The following SNTG1 variants were observed in gnomAD, a reference collection of about 807,000 sequenced individuals.
SNTG1 encodes the protein syntrophin gamma 1.
In SNTG1, 39 loss-of-function variants were observed where a neutral mutation model predicts 74.7. That is an observed-to-expected ratio of 0.52 (90% confidence interval 0.40 to 0.68). The LOEUF (loss-of-function observed/expected upper bound fraction) is 0.68, where lower values mean the gene tolerates loss of function less well. Ranked by LOEUF, SNTG1 falls within the 30% of genes least tolerant of loss-of-function variation. SNTG1 has a pLI of 0.00. For missense variants in SNTG1, 685 were observed against 609.5 expected (o/e 1.12, Z -1.30); for synonymous variants, 254 against 217.1 (o/e 1.17, Z -1.49).
intron 2 of SNTG1, among the ~76,000 whole-genome samples, chr8:50,329,605 A>G (rs565888090): frequency 2.0e-4 from 30 of 152,098 alleles, no homozygotes; most frequent in African/African-American, 7.0e-4. Context: ...AGGGCACGAG[A>G]TCCCAAGGCT....
chr8:50,211,995 C>A (rs1586709323), intron 2 of SNTG1, among the ~76,000 whole-genome samples: 1 of 152,094 alleles, frequency 6.6e-6, no homozygotes, highest in Middle Eastern at 3.4e-3. Context: ...TGCAGTAATT[C>A]TTGAATTTAT....
chr8:50,364,723 T>TA (rs34454711), intron 2 of SNTG1, among the ~76,000 whole-genome samples: 2 of 152,072 alleles, frequency 1.3e-5, no homozygotes, highest in East Asian at 1.9e-4. Context: ...TGAATTTTCA[T>TA]AAAAAATATT....
At chr8:50,248,257 G>A (rs1236966875) in intron 2 of SNTG1, among the ~76,000 whole-genome samples, 1 of 152,086 alleles carries the variant, frequency 6.6e-6, no homozygotes, top group African/African-American at 2.4e-5. Context: ...AATAGTCTAT[G>A]TTTAAAAGCA....
intron 1 of SNTG1, among the ~76,000 whole-genome samples, chr8:50,008,165 A>G (rs1815428399): frequency 2.0e-5 from 3 of 152,152 alleles, no homozygotes; most frequent in Non-Finnish European, 4.4e-5. Context: ...ACATGTTTCT[A>G]TGTAGGAAGC....
At chr8:50,268,123 T>C (rs2087574866) in intron 2 of SNTG1, among the ~76,000 whole-genome samples, 1 of 152,144 alleles carries the variant, frequency 6.6e-6, no homozygotes, top group Non-Finnish European at 1.5e-5. Context: ...ATAATAAACA[T>C]GAGGAAACAA....
intron 18 of SNTG1, among the ~76,000 whole-genome samples, chr8:50,779,042 G>A (rs2095650128): frequency 1.3e-5 from 2 of 152,112 alleles, no homozygotes; most frequent in Admixed American, 1.3e-4. Context: ...TGAGGGCTCT[G>A]TTGTGTTCCA....
At position 50,613,183 on chromosome 8, in the gene SNTG1, T is replaced by C. The variant is rs1282706312; in HGVS notation, c.849+22266T>C. ...CTAGAGTGCAATTCAAATCAATGTT[T>C]TCTGCATATAGAATGCATATGAAAG... is the stretch of plus-strand genomic sequence containing the variant. On this transcript the variant is annotated intron_variant, in intron 13 of 18. Coordinates refer to ENST00000642720, the MANE Select transcript of SNTG1 (RefSeq NM_018967.5). Among the ~76,000 whole-genome samples the C allele has an allele frequency of 2.0e-5, 3 of 152,318 alleles. No homozygotes were observed. The East Asian group carries it at 5.8e-4, about 29-fold the overall frequency.
chr8:50,607,180 A>G (rs1480733889), intron 13 of SNTG1, among the ~76,000 whole-genome samples: 2 of 151,822 alleles, frequency 1.3e-5, no homozygotes, highest in East Asian at 1.9e-4. Context: ...ATTTTCATAT[A>G]TTTGGGAATG....
At chr8:50,207,289 T>A (rs2084292173) in intron 2 of SNTG1, among the ~76,000 whole-genome samples, 1 of 152,204 alleles carries the variant, frequency 6.6e-6, no homozygotes, top group South Asian at 2.1e-4. Context: ...CCTGGTTTAG[T>A]CTTGGGAGGG....
rs539371064 is a variant in SNTG1 at position 49,977,008 on chromosome 8, G to T, written c.-103+64777G>T. Among the ~76,000 whole-genome samples, 82 of 152,182 alleles carry T rather than the reference G, an allele frequency of 5.4e-4. 1 individual carries two copies. In the South Asian group the frequency reaches 0.017, roughly 31 times the overall value. On this transcript the variant is annotated intron_variant, in intron 1 of 18. Transcript: ENST00000642720. ...CAGGAAGTGCTTGTGAGAAAAAAAT[G>T]GATATATTTTAGACTTTGATTCCAT...
chr8:50,103,693 G>T (rs1391602172), intron 1 of SNTG1, among the ~76,000 whole-genome samples: 1 of 152,122 alleles, frequency 6.6e-6, no homozygotes, highest in East Asian at 1.9e-4. Flanking sequence ...TATTGGCTGT[G>T]GGTTTGTCAT....
chr8:50,595,761 T>C (rs1248530169), intron 13 of SNTG1, among the ~76,000 whole-genome samples: 3 of 152,068 alleles, frequency 2.0e-5, no homozygotes, highest in Non-Finnish European at 2.9e-5. Flanking sequence ...TCATACAGCA[T>C]AATTCTTTTT....
At chr8:49,970,724 G>T (rs1585711615) in intron 1 of SNTG1, among the ~76,000 whole-genome samples, 1 of 152,304 alleles carries the variant, frequency 6.6e-6, no homozygotes, top group Admixed American at 6.5e-5. Flanking sequence ...TCTGCAGCTA[G>T]TGAGACTGGC....
intron 2 of SNTG1, among the ~76,000 whole-genome samples, chr8:50,318,969 TTA>T (rs963670336): frequency 4.4e-4 from 67 of 151,760 alleles, no homozygotes; most frequent in East Asian, 2.3e-3. Flanking sequence ...GTATGTATAT[TTA>T]TATATATATG....
intron 4 of SNTG1, among the ~76,000 whole-genome samples, chr8:50,428,067 A>G (rs2093186137): frequency 6.6e-6 from 1 of 152,222 alleles, no homozygotes. Context: ...CTGTAAACCC[A>G]GTGCTTTGGG....
At chr8:50,530,992 C>A (rs2094262279) in intron 10 of SNTG1, among the ~76,000 whole-genome samples, 1 of 152,270 alleles carries the variant, frequency 6.6e-6, no homozygotes, top group East Asian at 1.9e-4. Context: ...TGACGTTAAG[C>A]AGAATTTTAT....
intron 1 of SNTG1, among the ~76,000 whole-genome samples, chr8:50,076,592 C>T (rs546666764): frequency 2.0e-4 from 29 of 148,404 alleles, no homozygotes; most frequent in Non-Finnish European, 3.0e-5. Flanking sequence ...AATATTCCGT[C>T]GTAAAAATAT....
At chr8:50,151,910 T>C (rs1414957988) in intron 1 of SNTG1, among the ~76,000 whole-genome samples, 1 of 152,222 alleles carries the variant, frequency 6.6e-6, no homozygotes, top group Non-Finnish European at 1.5e-5. Context: ...GAGAGTTCCA[T>C]AGATATCTAT....
chr8:50,273,152 T>A (rs1313549913), intron 2 of SNTG1, among the ~76,000 whole-genome samples: 4 of 152,212 alleles, frequency 2.6e-5, no homozygotes, highest in African/African-American at 9.6e-5. Context: ...AGGATGCTGA[T>A]GTTTAGAACA....
Sources: gnomAD v4.1 joint callset for allele counts (sites outside exome capture counted in the v4.1 genomes callset) on GRCh38, gnomAD v4.1.1 for gene constraint, MANE v1.5 for transcripts, NCBI Gene and HGNC (gene_info 2026-07-23, HGNC 2026-07-21) for gene names.